Variants in SPIRE1 observed in about 807,000 individuals in gnomAD.
The protein encoded by SPIRE1 is protein spire homolog 1.
Under a neutral mutation model 94.1 loss-of-function variants are expected in SPIRE1, and 40 were observed. The ratio of observed to expected loss-of-function variants is 0.43; its 90% CI spans 0.33 to 0.55. The LOEUF (loss-of-function observed/expected upper bound fraction) is 0.55. Among genes scored for constraint, SPIRE1 ranks in the 20% least tolerant of loss-of-function variants. The pLI, the probability that SPIRE1 is intolerant of heterozygous loss-of-function variation, is 0.06. For missense variants in SPIRE1, 838 were observed against 975.2 expected, an observed-to-expected ratio of 0.86 and a Z score of 1.87; for synonymous variants, 376 against 371.7, an observed-to-expected ratio of 1.01 and a Z score of -0.13.
Position 12,658,032 on chromosome 18 carries a change from G to C in SPIRE1, c.-166C>G. ...CCAGGCGAGTGCCCGGGAGGCGTGG[G>C]CAAGAGGAGGGCGGCGAGGACACGG... is the stretch of plus-strand genomic sequence containing the variant. On this transcript the variant is annotated 5_prime_UTR_variant, in exon 1 of 17. Transcript: ENST00000409402. The C allele has an allele frequency of 2.0e-6, 2 of 992,854 alleles. No individual in the cohort carries two copies. Among genetic ancestry groups the C allele is most frequent in the Non-Finnish European group, 2.4e-6 (2 of 836,024 alleles). 61.5% of individuals were successfully genotyped at this position (992,854 alleles called of 1,614,324 possible).
At chr18:12,573,500 T>C (rs1404614472) in intron 2 of SPIRE1, among the ~76,000 whole-genome samples, 1 of 152,296 alleles carries the variant, frequency 6.6e-6, no homozygotes, top group Middle Eastern at 3.4e-3. Flanking sequence ...ACTATGTCCA[T>C]ACAAAAACCT....
At chr18:12,499,331 T>C (rs921705529) in intron 6 of SPIRE1, among the ~76,000 whole-genome samples, 1 of 152,206 alleles carries the variant, frequency 6.6e-6, no homozygotes, top group Non-Finnish European at 1.5e-5. Context: ...ATGAGTTTGT[T>C]TTTGTACTCT....
chr18:12,586,632 C>T (rs2036397751), intron 2 of SPIRE1, among the ~76,000 whole-genome samples: 1 of 152,154 alleles, frequency 6.6e-6, no homozygotes, highest in African/African-American at 2.4e-5. Context: ...GTTTATTAGG[C>T]TTACTTCTAT....
chr18:12,657,793 T>C lies in SPIRE1; in HGVS notation c.74A>G (p.Glu25Gly), dbSNP rs2038599500. 7.8e-7 allele frequency: 1 copy of C among 1,281,248 alleles called. No homozygotes were observed. The highest frequency in any genetic ancestry group is 9.9e-7 in the Non-Finnish European group (1 of 1,012,592). The allele number at this position is 1,281,248 out of a possible 1,614,324, so 79.4% of individuals were successfully genotyped here. ...GGCCGCGCCGCCGGCTGCCCCGGGC[T>C]CCCGCGGCCCCTCGCCGCCCACTGC... Reference protein sequence around the residue: ...TEAVGGEGPREPGAAGGAAGG... With the variant: ...TEAVGGEGPRGPGAAGGAAGG... The change falls in exon 1 of 17, where the codon GAG (glutamate) becomes GGG (glycine). Residue 25 changes from glutamate (E) to glycine (G), a missense_variant. Coordinates refer to ENST00000409402, the MANE Select transcript of SPIRE1 (RefSeq NM_001128626.2).
At position 12,635,115 on chromosome 18, in the gene SPIRE1, G is replaced by A. The variant is rs775908490; in HGVS notation, c.338-19C>T. 21 of 1,305,800 alleles carry A rather than the reference G, an allele frequency of 1.6e-5. No individual in the cohort carries two copies. In the African/African-American group the frequency reaches 2.8e-4, roughly 18 times the overall value. The allele number at this position is 1,305,800 out of a possible 1,614,324, so 80.9% of individuals were successfully genotyped here. ...AATTTACCTGTAATAAAAATGAAAA[G>A]GATTACTTTAAAAAGATTTCAGCTT... On this transcript the variant is annotated intron_variant, in intron 1 of 16. Transcript: ENST00000409402.
intron 12 of SPIRE1, among the ~76,000 whole-genome samples, chr18:12,457,311 T>C (rs1460048795): frequency 6.6e-6 from 1 of 152,208 alleles, no homozygotes; most frequent in African/African-American, 2.4e-5. Flanking sequence ...AAATGATAAA[T>C]AGTTACTAAA....
At chr18:12,457,197 A>C (rs943844348) in intron 12 of SPIRE1, among the ~76,000 whole-genome samples, 3 of 152,212 alleles carry the variant, frequency 2.0e-5, no homozygotes, top group Admixed American at 6.5e-5. Context: ...AAAAATTTTC[A>C]AGCAGATTAC....
At chr18:12,547,630 G>C (rs1598457517) in intron 2 of SPIRE1, among the ~76,000 whole-genome samples, 1 of 150,882 alleles carries the variant, frequency 6.6e-6, no homozygotes, top group African/African-American at 2.4e-5. Context: ...CTCTCTCTGT[G>C]TCTCTCTCTC....
At chr18:12,626,037 GCCCCGCCCCC>G (rs2037613575) in intron 2 of SPIRE1, among the ~76,000 whole-genome samples, 1 of 96,990 alleles carries the variant, frequency 1.0e-5, no homozygotes, top group African/African-American at 3.1e-5. Context: ...TCCCCACACC[GCCCCGCCCCC>G]CCCCAAAAAA....
In SPIRE1 at chr18:12,452,315, C is replaced by T. The variant is rs755135923; in HGVS notation, c.1952G>A (p.Ser651Asn). Residue 651 changes from serine to asparagine, a missense_variant, in exon 16 of 17, where the codon AGT (serine) becomes AAT (asparagine). Ser to Asn is a conservative substitution (Grantham distance 46). Around this residue, in one of 2 missense-constraint regions of SPIRE1, gnomAD observed 645 missense variants for 804.7 expected, o/e 0.80. Coordinates refer to ENST00000409402, the MANE Select transcript of SPIRE1 (RefSeq NM_001128626.2). ...GGAGGGTTTTTCTGACCTCATACTA[C>T]TTTCCCCTCTTTGCAGAGCAGAAGG... ...LGPSALQRGESSMRSEKPSTA... is the reference protein window; with the variant it reads ...LGPSALQRGENSMRSEKPSTA... 2.9e-5 allele frequency: 47 copies of T among 1,613,962 alleles called. No individual in the cohort carries two copies. Among genetic ancestry groups the T allele is most frequent in the Middle Eastern group, 3.3e-4 (2 of 6,084 alleles).
chr18:12,478,039 G>T (rs943073809), intron 10 of SPIRE1, among the ~76,000 whole-genome samples: 2 of 152,090 alleles, frequency 1.3e-5, no homozygotes, highest in African/African-American at 4.8e-5. Flanking sequence ...CGGTGAGAAA[G>T]AGAGACCAAC....
chr18:12,450,774 T>G, intron 16 of SPIRE1: 2 of 716,644 alleles, frequency 2.8e-6, no homozygotes, highest in Non-Finnish European at 5.1e-6. Context: ...CACCCCAAGA[T>G]CAAATTCATA....
At chr18:12,598,757 G>A (rs2036750122) in intron 2 of SPIRE1, among the ~76,000 whole-genome samples, 1 of 152,062 alleles carries the variant, frequency 6.6e-6, no homozygotes, top group Admixed American at 6.6e-5. Flanking sequence ...ACACACTGAG[G>A]GCTAGAAGGC....
chr18:12,558,980 T>A (rs1480157785), intron 2 of SPIRE1, among the ~76,000 whole-genome samples: 1 of 152,188 alleles, frequency 6.6e-6, no homozygotes, highest in Non-Finnish European at 1.5e-5. Flanking sequence ...ATAAAAGTTC[T>A]CCAAGACCCT....
chr18:12,540,859 A>T (rs943142431), intron 3 of SPIRE1, among the ~76,000 whole-genome samples: 1 of 152,250 alleles, frequency 6.6e-6, no homozygotes, highest in African/African-American at 2.4e-5. Flanking sequence ...GCTTTAAATT[A>T]TATGCTGTGC....
chr18:12,574,547 T>C (rs2036042646), intron 2 of SPIRE1, among the ~76,000 whole-genome samples: 1 of 152,182 alleles, frequency 6.6e-6, no homozygotes, highest in East Asian at 1.9e-4. Flanking sequence ...AAAAAGAGTT[T>C]GGAAGAGAAA....
At chr18:12,480,629 C>A (rs934425687) in intron 9 of SPIRE1, among the ~76,000 whole-genome samples, 1 of 152,130 alleles carries the variant, frequency 6.6e-6, no homozygotes, top group Admixed American at 6.5e-5. Flanking sequence ...TGATTTTGAT[C>A]TCTATTGGTG....
rs962645945 is a variant in SPIRE1 at position 12,506,636 on chromosome 18, T to C, written c.813A>G (p.Arg271=). 5 of 1,614,064 alleles carry C rather than the reference T, an allele frequency of 3.1e-6. No homozygotes were observed. The highest frequency in any genetic ancestry group is 4.2e-6 in the Non-Finnish European group (5 of 1,179,986). Residue 271 remains arginine, a synonymous_variant, in exon 6 of 17, where the codon CGA becomes CGG. Coordinates refer to ENST00000409402, the MANE Select transcript of SPIRE1 (RefSeq NM_001128626.2). ...AATCCCTCATCACCTGTACCCAGAA[T>C]CGTGCCTGAAAGAACCAAGGATAGA... The part of the protein sequence containing the change: ...LEELKNADWA[R]FWVQVMRDLR...
chr18:12,637,855 T>C (rs9958666), intron 1 of SPIRE1, among the ~76,000 whole-genome samples: 85,190 of 151,834 alleles, frequency 0.56, 24,991 homozygotes, highest in Middle Eastern at 0.75. Context: ...CAAAAGGGCA[T>C]AAGAGTCTAT....
Sources: allele counts gnomAD v4.1 joint callset (sites outside exome capture counted in the v4.1 genomes callset), GRCh38; gene constraint gnomAD v4.1.1; regional missense constraint gnomAD v4.1.1; transcripts MANE v1.5; gene names NCBI Gene and HGNC (gene_info 2026-07-23, HGNC 2026-07-21).